OSTC: variants seen among roughly 807,000 people sequenced by gnomAD.
OSTC encodes oligosaccharyltransferase complex subunit OSTC.
Under a neutral mutation model 16.4 loss-of-function variants are expected in OSTC, and 16 were observed. The observed-to-expected ratio is 0.98, with a 90% CI of 0.66 to 1.49. The LOEUF (loss-of-function observed/expected upper bound fraction) is 1.49, where lower values mean the gene tolerates loss of function less well. Ranked by LOEUF, OSTC falls within the 40% of genes most tolerant of loss-of-function variation. The probability of loss-of-function intolerance (pLI) is 0.00; values close to 1 mark genes in which losing one functional copy is unlikely to be tolerated. For synonymous variants in OSTC, 67 were observed against 68.5 expected (o/e 0.98, Z 0.11); for missense variants, 139 against 186.3 (o/e 0.75, Z 1.48).
chr4:108,660,448 C>T (rs911878446), intron 3 of OSTC, among the ~76,000 whole-genome samples: 11 of 152,010 alleles, frequency 7.2e-5, no homozygotes, highest in Non-Finnish European at 1.5e-4. Context: ...ATTTGCAGGC[C>T]CCAGAGGAGA....
chr4:108,666,669 C>G (rs970793463), intron 3 of OSTC, among the ~76,000 whole-genome samples: 2 of 142,006 alleles, frequency 1.4e-5, no homozygotes, highest in Admixed American at 1.5e-4. Flanking sequence ...CGAGATTGCA[C>G]CATTGCACTC....
chr4:108,659,664 G>A (rs1726803028), intron 3 of OSTC, among the ~76,000 whole-genome samples: 1 of 152,128 alleles, frequency 6.6e-6, no homozygotes, highest in African/African-American at 2.4e-5. Flanking sequence ...AGCTACTCGG[G>A]AGGCTGAGGC....
At chr4:108,659,490 G>T (rs1477638454) in intron 3 of OSTC, among the ~76,000 whole-genome samples, 5 of 151,872 alleles carry the variant, frequency 3.3e-5, no homozygotes, top group African/African-American at 1.2e-4. Flanking sequence ...GAATAAAGAG[G>T]TTACTGAAAG....
chr4:108,664,966 G>A (rs1726957777), intron 3 of OSTC, among the ~76,000 whole-genome samples: 1 of 152,168 alleles, frequency 6.6e-6, no homozygotes, highest in South Asian at 2.1e-4. Flanking sequence ...TGTCAAGGTG[G>A]TTGTGTTAGA....
chr4:108,658,971 C>CTTTTTTTTTTTTTTTT (rs766585998), intron 3 of OSTC, among the ~76,000 whole-genome samples: 11 of 83,896 alleles, frequency 1.3e-4, no homozygotes, highest in African/African-American at 5.8e-4. Flanking sequence ...GGCAGCAGCT[C>CTTTTTTTTTTTTTTTT]TTTTTTTTTT....
chr4:108,659,777 G>C (rs1578340606), intron 3 of OSTC, among the ~76,000 whole-genome samples: 3 of 145,358 alleles, frequency 2.1e-5, no homozygotes, highest in Admixed American at 6.8e-5. Context: ...TCAAAAAAAA[G>C]AAAAGAAAAG....
At chr4:108,652,715 G>A (rs1489894808) in intron 1 of OSTC, among the ~76,000 whole-genome samples, 3 of 152,122 alleles carry the variant, frequency 2.0e-5, no homozygotes, top group Non-Finnish European at 2.9e-5. Flanking sequence ...CATATTAAAT[G>A]TCACTTAATT....
At chr4:108,660,234 G>A (rs1462609235) in intron 3 of OSTC, among the ~76,000 whole-genome samples, 2 of 152,168 alleles carry the variant, frequency 1.3e-5, no homozygotes, top group East Asian at 3.9e-4. Flanking sequence ...AATCAAAACA[G>A]GACAGTGGTC....
At chr4:108,650,971 T>A (rs1726522485) in intron 1 of OSTC, 177 bp downstream of exon 1, 1 of 819,218 alleles carries the variant, frequency 1.2e-6, no homozygotes, top group African/African-American at 1.7e-5. Flanking sequence ...TTATTCGCCT[T>A]CACGCCCTGT....
chr4:108,666,257 C>A (rs963788803), intron 3 of OSTC, among the ~76,000 whole-genome samples: 5 of 152,140 alleles, frequency 3.3e-5, no homozygotes, highest in Admixed American at 3.3e-4. Context: ...TTTAGAAATC[C>A]AAACCAGTTT....
chr4:108,650,968 C>A, intron 1 of OSTC, 174 bp downstream of exon 1: 1 of 831,612 alleles, frequency 1.2e-6, no homozygotes, highest in Non-Finnish European at 1.8e-6. Context: ...AGTTTATTCG[C>A]CTTCACGCCC....
chr4:108,664,922 T>C (rs1303710742), intron 3 of OSTC, among the ~76,000 whole-genome samples: 2 of 152,066 alleles, frequency 1.3e-5, no homozygotes, highest in African/African-American at 2.4e-5. Flanking sequence ...TTTTGTTCAG[T>C]TTTGGATTTG....
At chr4:108,655,730 TAG>T in intron 2 of OSTC, 73 bp downstream of exon 2, 1 of 1,101,550 alleles carries the variant, frequency 9.1e-7, no homozygotes. Context: ...TATTTAAAAA[TAG>T]AGTAAAACCT....
intron 3 of OSTC, among the ~76,000 whole-genome samples, chr4:108,661,899 A>C (rs539585675): frequency 6.6e-6 from 1 of 152,302 alleles, no homozygotes; most frequent in African/African-American, 2.4e-5. Context: ...ATGCCTGGCC[A>C]AAAGCAGAAT....
At chr4:108,652,379 C>G (rs955130098) in intron 1 of OSTC, 1 of 152,112 alleles carries the variant, frequency 6.6e-6, no homozygotes, top group Non-Finnish European at 1.5e-5. Context: ...CGAGAAGCCT[C>G]AGTTTTCTTT....
chr4:108,654,505 A>C (rs1726645981), intron 1 of OSTC, among the ~76,000 whole-genome samples: 1 of 152,230 alleles, frequency 6.6e-6, no homozygotes, highest in Non-Finnish European at 1.5e-5. Context: ...GGAGGTGGGA[A>C]TCTTCCTCTT....
intron 3 of OSTC, chr4:108,663,119 G>A (rs900962776): frequency 3.9e-5 from 17 of 434,548 alleles, no homozygotes; most frequent in African/African-American, 3.0e-4. Context: ...ATCAATGTCA[G>A]TGTTTTCATT....
Position 108,657,589 on chromosome 4 carries a change from T to A in OSTC, c.373T>A (p.Phe125Ile), listed in dbSNP as rs569900448. Reference sequence around the variant, plus strand: ...TAGATTCCTTCTTCTGTTCATTGGATTCGTCTGTGTCCTATTGAGTTTTTT... The same window carrying A: ...TAGATTCCTTCTTCTGTTCATTGGAATCGTCTGTGTCCTATTGAGTTTTTT... The part of the protein sequence containing the change: ...LNRFLLLFIG[F>I]VCVLLSFFMA... Residue 125 changes from phenylalanine (F) to isoleucine (I), a missense_variant, in exon 3 of 4, where the codon TTC becomes ATC. By Grantham distance (21) the Phe-to-Ile change is conservative (BLOSUM62 0). Coordinates refer to ENST00000361564, the MANE Select transcript of OSTC (RefSeq NM_021227.4). The A allele has an allele frequency of 1.2e-6, 2 of 1,613,694 alleles. No homozygotes were observed. The highest frequency in any genetic ancestry group is 2.7e-5 in the African/African-American group (2 of 74,922).
chr4:108,650,805 C>G lies in OSTC; in HGVS notation c.139+11C>G. On this transcript the variant is annotated intron_variant, in intron 1 of 3. Coordinates refer to ENST00000361564, the MANE Select transcript of OSTC (RefSeq NM_021227.4). The stretch of plus-strand genomic sequence containing the variant: ...TCCTCATCACCGGAGGTAACTCGGG[C>G]TGTCGGGCCCGAGAGGCTGAGGAGC... The G allele has an allele frequency of 3.1e-6, 5 of 1,614,010 alleles. No individual in the cohort carries two copies. The highest frequency in any genetic ancestry group is 3.4e-6 in the Non-Finnish European group (4 of 1,179,968).
Sources: allele counts gnomAD v4.1 joint callset (sites outside exome capture counted in the v4.1 genomes callset), GRCh38; gene constraint gnomAD v4.1.1; transcripts MANE v1.5; gene names NCBI Gene and HGNC (gene_info 2026-07-23, HGNC 2026-07-21).